NXNL2: variants seen among roughly 807,000 people sequenced by gnomAD.
The protein encoded by NXNL2 is nucleoredoxin like 2.
Under a neutral mutation model 11.1 loss-of-function variants are expected in NXNL2, and 7 were observed. The ratio of observed to expected loss-of-function variants is 0.63; its 90% CI spans 0.36 to 1.18. The LOEUF is 1.18. NXNL2 is among the 50% of genes most tolerant of loss of function. NXNL2 has a pLI of 0.02. For synonymous variants in NXNL2, 109 were observed against 101.8 expected (o/e 1.07, Z -0.42); for missense variants, 233 against 217.7 (o/e 1.07, Z -0.44).
chr9:88,567,249 C>T (rs1251448663), intron 1 of NXNL2, among the ~76,000 whole-genome samples: 10 of 152,212 alleles, frequency 6.6e-5, no homozygotes, highest in East Asian at 1.9e-4. Context: ...ATCCATTCTC[C>T]GGCCTCAACC....
At chr9:88,536,427 CAG>C (rs1829621416) in intron 1 of NXNL2, among the ~76,000 whole-genome samples, 1 of 152,104 alleles carries the variant, frequency 6.6e-6, no homozygotes, top group South Asian at 2.1e-4. Flanking sequence ...TAGGGATTGG[CAG>C]AGAGGGGATT....
chr9:88,572,810 G>A (rs1293129427), intron 2 of NXNL2, among the ~76,000 whole-genome samples: 1 of 152,222 alleles, frequency 6.6e-6, no homozygotes. Flanking sequence ...TAATCCTCCT[G>A]GTGAAGAGGC....
rs1442956091 is a variant in NXNL2, at chr9:88,544,617, C to T, written c.*70C>T. The T allele has an allele frequency of 4.1e-6, 6 of 1,453,634 alleles. No individual in the cohort carries two copies. Among genetic ancestry groups the T allele is most frequent in the Non-Finnish European group, 5.5e-6 (6 of 1,099,714 alleles). The allele number at this position is 1,453,634 out of a possible 1,614,324, so 90.0% of individuals were successfully genotyped here. A position where few individuals can be genotyped will look rare whatever the true frequency, so the allele number is the denominator to read the frequency against. On this transcript the variant is annotated 3_prime_UTR_variant, in exon 2 of 2. Coordinates refer to ENST00000375854, the MANE Select transcript of NXNL2 (RefSeq NM_001161625.2). ...GCACCGACGCTGGGGCAAAGAGGAG[C>T]ATGTTGGGTTCCTTCCTCTGTTGGT...
At chr9:88,553,285 G>A (rs754939870) in intron 1 of NXNL2, among the ~76,000 whole-genome samples, 11 of 152,154 alleles carry the variant, frequency 7.2e-5, no homozygotes, top group African/African-American at 1.2e-4. Flanking sequence ...AGCGGAGGTT[G>A]CAGTGAGCTG....
At chr9:88,543,759 C>G (rs1348053036) in intron 1 of NXNL2, among the ~76,000 whole-genome samples, 2 of 152,220 alleles carry the variant, frequency 1.3e-5, no homozygotes, top group Admixed American at 6.5e-5. Flanking sequence ...CTTAGGCACA[C>G]TAGCCACATT....
At chr9:88,572,102 T>C (rs1038878190) in intron 2 of NXNL2, among the ~76,000 whole-genome samples, 4 of 152,172 alleles carry the variant, frequency 2.6e-5, no homozygotes, top group Non-Finnish European at 2.9e-5. Flanking sequence ...CCAGACAGAA[T>C]GCATCTGATT....
chr9:88,547,392 A>G (rs778161261), downstream of NXNL2, among the ~76,000 whole-genome samples: 16 of 152,200 alleles, frequency 1.1e-4, no homozygotes, highest in Non-Finnish European at 2.9e-5. Context: ...GGAGAGGGGC[A>G]GTCACTGAGA....
intron 1 of NXNL2, among the ~76,000 whole-genome samples, chr9:88,569,250 G>GT (rs1232991532): frequency 2.0e-5 from 3 of 152,120 alleles, no homozygotes; most frequent in Non-Finnish European, 4.4e-5. Flanking sequence ...GAGTTTTAAT[G>GT]TTTTTTCCAT....
At chr9:88,564,240 G>A (rs1587852445) in intron 1 of NXNL2, among the ~76,000 whole-genome samples, 1 of 139,586 alleles carries the variant, frequency 7.2e-6, no homozygotes, top group Non-Finnish European at 1.5e-5. Flanking sequence ...CTCTGATGTT[G>A]TCTATCTATC....
downstream of NXNL2, among the ~76,000 whole-genome samples, chr9:88,579,999 G>C (rs925105912): frequency 6.6e-6 from 1 of 152,044 alleles, no homozygotes. Context: ...AATTAGCCGG[G>C]TGTGGTGGCA....
chr9:88,559,353 T>C (rs1401209981), intron 1 of NXNL2, among the ~76,000 whole-genome samples: 1 of 152,212 alleles, frequency 6.6e-6, no homozygotes, highest in East Asian at 1.9e-4. Flanking sequence ...CCCATGATGC[T>C]GGGCTCTAAT....
At chr9:88,535,877 G>A (rs1331971120) in intron 1 of NXNL2, 141 bp downstream of exon 1, 3 of 669,348 alleles carry the variant, frequency 4.5e-6, no homozygotes, top group African/African-American at 1.9e-5. Context: ...TCCGGACTCC[G>A]GTAAATCACA....
chr9:88,555,093 C>T lies in NXNL2; in HGVS notation c.303-15994C>T, dbSNP rs553069310. On this transcript the variant is annotated intron_variant, in intron 1 of 2. Coordinates refer to the NXNL2 transcript ENST00000375855. ...TGATGTTGCAGGGTAAACCCTGAAACGGGGGCTTAGCCCAGGAGGCCACAT... is the reference window on the plus strand; with the variant it reads ...TGATGTTGCAGGGTAAACCCTGAAATGGGGGCTTAGCCCAGGAGGCCACAT... Among the ~76,000 whole-genome samples the T allele has an allele frequency of 1.5e-4, 23 of 152,268 alleles. No homozygotes were observed. In the South Asian group the frequency reaches 3.3e-3, roughly 22 times the overall value.
chr9:88,557,793 G>C (rs948380329), intron 1 of NXNL2, among the ~76,000 whole-genome samples: 1 of 152,168 alleles, frequency 6.6e-6, no homozygotes, highest in Non-Finnish European at 1.5e-5. Context: ...GAATCTGCAG[G>C]TTAGATAGAG....
chr9:88,562,812 A>G (rs1402312607), intron 1 of NXNL2, among the ~76,000 whole-genome samples: 1 of 151,990 alleles, frequency 6.6e-6, no homozygotes, highest in Non-Finnish European at 1.5e-5. Context: ...CAGAAGGCAG[A>G]GGAAATTTTG....
rs577670712 is a variant in NXNL2, at chr9:88,552,834, C to A, written c.302+17098C>A. Among the ~76,000 whole-genome samples, 8 of 152,290 alleles carry A rather than the reference C, an allele frequency of 5.3e-5. No homozygotes were observed. In the South Asian group the frequency reaches 1.7e-3, roughly 32 times the overall value. On this transcript the variant is annotated intron_variant, in intron 1 of 2. Transcript: ENST00000375855. ...AATGACAAGTTCAAAGTTATTTCCA[C>A]AATATCTGTCTGACTTTGCCATTGG...
At position 88,535,472 on chromosome 9, in the gene NXNL2, G is replaced by A. The variant is rs767356282; in HGVS notation, c.38G>A (p.Cys13Tyr). Residue 13 changes from cysteine to tyrosine, a missense_variant, in exon 1 of 2, where the codon TGT becomes TAT. By Grantham distance (194) the Cys-to-Tyr change is radical. Transcript: ENST00000375854. ...CTGGGCGAGCGGCACCTGGTGACCT[G>A]TAAGGGCGCGACGGTGGAGGCCGAG... ...DILGERHLVT[C>Y]KGATVEAEAA... The A allele has an allele frequency of 6.2e-7, 1 of 1,608,596 alleles. No individual in the cohort carries two copies. The highest frequency in any genetic ancestry group is 8.5e-7 in the Non-Finnish European group (1 of 1,178,382).
At chr9:88,547,886 G>A (rs554433196), downstream of NXNL2, among the ~76,000 whole-genome samples, 70 of 150,260 alleles carry the variant, frequency 4.7e-4, no homozygotes, top group Non-Finnish European at 9.8e-4. Context: ...GCATGGTGGC[G>A]GGCACCTGTA....
chr9:88,568,389 G>A (rs1371541778), intron 1 of NXNL2, among the ~76,000 whole-genome samples: 1 of 152,194 alleles, frequency 6.6e-6, no homozygotes, highest in Non-Finnish European at 1.5e-5. Flanking sequence ...GAGAGCCCGG[G>A]GGTGTCGTCC....
Sources: allele counts gnomAD v4.1 joint callset (sites outside exome capture counted in the v4.1 genomes callset), GRCh38; gene constraint gnomAD v4.1.1; transcripts MANE v1.5; gene names NCBI Gene and HGNC (gene_info 2026-07-23, HGNC 2026-07-21).